The following E2F4 variants were observed in gnomAD, a reference collection of about 807,000 sequenced individuals.
The protein encoded by E2F4 is E2F transcription factor 4.
In E2F4, 16 loss-of-function variants were observed where a neutral mutation model predicts 44.5. The observed-to-expected ratio is 0.36, with a 90% confidence interval of 0.24 to 0.55. The LOEUF (loss-of-function observed/expected upper bound fraction) is 0.55, where lower values mean the gene tolerates loss of function less well. Among genes scored for constraint, E2F4 ranks in the 20% least tolerant of loss-of-function variants. The probability of loss-of-function intolerance (pLI) is 0.87; values close to 1 mark genes in which losing one functional copy is unlikely to be tolerated. For synonymous variants in E2F4, 242 were observed against 207.2 expected, an observed-to-expected ratio of 1.17 and a Z score of -1.44; for missense variants, 473 against 522.1, an observed-to-expected ratio of 0.91 and a Z score of 0.92.
At chr16:67,196,122 G>A (rs2032966377) in intron 7 of E2F4, 116 bp downstream of exon 7, 1 of 1,478,276 alleles carries the variant, frequency 6.8e-7, no homozygotes, top group Admixed American at 1.7e-5. Context: ...CTGGACACGA[G>A]AGCTCTCTGC....
chr16:67,194,121 C>T, intron 4 of E2F4: 2 of 450,314 alleles, frequency 4.4e-6, no homozygotes, highest in South Asian at 3.2e-5. Flanking sequence ...GGCTAGAACA[C>T]CCTCACCTAG....
intron 4 of E2F4, 29 bp downstream of exon 4, chr16:67,193,544 G>C: frequency 6.2e-7 from 1 of 1,613,630 alleles, no homozygotes; most frequent in Non-Finnish European, 8.5e-7. Context: ...GGGGTAAGGG[G>C]GTGGGCTGGG....
At position 67,198,181 on chromosome 16, in the gene E2F4, TG is replaced by T; in HGVS notation, c.*62del. On this transcript the variant is annotated 3_prime_UTR_variant, in exon 10 of 10. Transcript: ENST00000379378. The stretch of plus-strand genomic sequence containing the variant: ...CAGACTGTCTGACCTGGGGGTTGCC[TG>T]GGGACCTCTCCCACCCGACCCCTAC... The T allele has an allele frequency of 6.6e-7, 1 of 1,518,564 alleles. No individual in the cohort carries two copies. Among genetic ancestry groups the T allele is most frequent in the Non-Finnish European group, 9.1e-7 (1 of 1,099,582 alleles). The allele number at this position is 1,518,564 out of a possible 1,614,324, so 94.1% of individuals were successfully genotyped here.
chr16:67,193,749 C>T lies in E2F4; in HGVS notation c.451+234C>T, dbSNP rs748228361. Among the ~76,000 whole-genome samples, 4 of 152,146 alleles carry T rather than the reference C, an allele frequency of 2.6e-5. No individual in the cohort carries two copies. In the South Asian group the frequency reaches 8.3e-4, roughly 32 times the overall value. Reference sequence around the variant, plus strand: ...TGGGTCCCTGGGTCTGTTCCCATCTCTACTGTTTCCTGGATTTGGCTTCTT... The same window carrying T: ...TGGGTCCCTGGGTCTGTTCCCATCTTTACTGTTTCCTGGATTTGGCTTCTT... On this transcript the variant is annotated intron_variant, in intron 4 of 9. Coordinates refer to ENST00000379378, the MANE Select transcript of E2F4 (RefSeq NM_001950.4).
chr16:67,197,863 C>G lies in E2F4; in HGVS notation c.1082-4C>G. 1 of 1,614,074 alleles carries G rather than the reference C, an allele frequency of 6.2e-7. No homozygotes were observed. Among genetic ancestry groups the G allele is most frequent in the South Asian group, 1.1e-5 (1 of 91,078 alleles). ...GTTAGTAACTGAGCTCCCTCCATTC[C>G]CAGAGTGCATGAGCTCGGAGCTGCT... On this transcript the variant is annotated splice_polypyrimidine_tract_variant and splice_region_variant and intron_variant, in intron 8 of 9. Transcript: ENST00000379378.
Position 67,198,656 on chromosome 16 carries a change from G to C in E2F4, c.*533G>C, listed in dbSNP as rs2033017620. On this transcript the variant is annotated 3_prime_UTR_variant, in exon 10 of 10. Transcript: ENST00000379378. Reference sequence around the variant, plus strand: ...CTAGAACCTGCAGGTGGTGGGGGCGGCTACCAAGAAGGAACAGAGGTCTCT... The same window carrying C: ...CTAGAACCTGCAGGTGGTGGGGGCGCCTACCAAGAAGGAACAGAGGTCTCT... 2 of 172,130 alleles carry C rather than the reference G, an allele frequency of 1.2e-5. No homozygotes were observed. Among genetic ancestry groups the C allele is most frequent in the Non-Finnish European group, 2.5e-5 (2 of 80,060 alleles). 10.7% of individuals were successfully genotyped at this position (172,130 alleles called of 1,614,324 possible). A position where few individuals can be genotyped will look rare whatever the true frequency, so the allele number is the denominator to read the frequency against.
At position 67,194,402 on chromosome 16, in the gene E2F4, T is replaced by C. The variant is rs1035325543; in HGVS notation, c.456T>C (p.Asp152=). ...CCATTCTCCATGTCATTCTAGGAGA[T>C]ACCCTCTTGGCCATCCGGGCCCCAT... ...HEDICRCFAG[D]TLLAIRAPSG... is the part of the protein sequence containing the mutation. Residue 152 remains aspartate (D), a synonymous_variant, in exon 5 of 10, where the codon GAT becomes GAC. Coordinates refer to ENST00000379378, the MANE Select transcript of E2F4 (RefSeq NM_001950.4). 1 of 1,614,076 alleles carries C rather than the reference T, an allele frequency of 6.2e-7. No homozygotes were observed. Among genetic ancestry groups the C allele is most frequent in the African/African-American group, 1.3e-5 (1 of 75,044 alleles).
intron 1 of E2F4, 35 bp downstream of exon 1, chr16:67,192,397 G>T: frequency 7.1e-7 from 1 of 1,409,834 alleles, no homozygotes; most frequent in Non-Finnish European, 9.3e-7. Context: ...AAGGGAGGCT[G>T]GTGGACCAGG....
chr16:67,194,694 T>C lies in E2F4; in HGVS notation c.522T>C (p.Asn174=), dbSNP rs754227078. ...TTACCACCCATCTCTAGGGTCTCAATGGGCAGAAGAAGTACCAGATTCACC... is the reference window on the plus strand; with the variant it reads ...TTACCACCCATCTCTAGGGTCTCAACGGGCAGAAGAAGTACCAGATTCACC... ...SLEVPIPEGL[N]GQKKYQIHLK... The change falls in exon 6 of 10, where the codon AAT becomes AAC. Residue 174 remains asparagine (N), a synonymous_variant. Coordinates refer to ENST00000379378, the MANE Select transcript of E2F4 (RefSeq NM_001950.4). 1 of 1,611,534 alleles carries C rather than the reference T, an allele frequency of 6.2e-7. No homozygotes were observed. Among genetic ancestry groups the C allele is most frequent in the East Asian group, 2.2e-5 (1 of 44,800 alleles).
intron 1 of E2F4, 25 bp from the exon 2 acceptor site, chr16:67,192,736 G>A: frequency 6.3e-7 from 1 of 1,592,300 alleles, no homozygotes; most frequent in Non-Finnish European, 8.6e-7. Context: ...GAGTGGGGCT[G>A]AGCATTCTCC....
Position 67,194,834 on chromosome 16 carries a change from C to T in E2F4, c.662C>T (p.Ala221Val). 1 of 1,614,192 alleles carries T rather than the reference C, an allele frequency of 6.2e-7. No individual in the cohort carries two copies. The highest frequency in any genetic ancestry group is 8.5e-7 in the Non-Finnish European group (1 of 1,180,024). The change falls in exon 6 of 10, where the codon GCT becomes GTT. Residue 221 changes from alanine to valine, a missense_variant. Physicochemically the swap from Ala to Val is moderately conservative, Grantham distance 64. This residue lies in a region of E2F4 where 314 missense variants were observed against 315.6 expected (regional missense o/e 0.99). Transcript: ENST00000379378. ...PPEDLLQSPS[A>V]VSTPPPLPKP... Reference sequence around the variant, plus strand: ...GAAGATTTGCTCCAGAGCCCATCTGCTGTTTCTACACCTCCACCTCTGCCC... The same window carrying T: ...GAAGATTTGCTCCAGAGCCCATCTGTTGTTTCTACACCTCCACCTCTGCCC...
In E2F4 at chr16:67,194,874, C is replaced by T. The variant is rs748157791; in HGVS notation, c.702C>T (p.Ala234=). ...TPPPLPKPAL[A]QSQEASRPNS... is the part of the protein sequence containing the mutation. Reference sequence around the variant, plus strand: ...CACCTCTGCCCAAGCCTGCCCTAGCCCAGTCCCAGGAAGCCTCACGTCCAA... The same window carrying T: ...CACCTCTGCCCAAGCCTGCCCTAGCTCAGTCCCAGGAAGCCTCACGTCCAA... The change falls in exon 6 of 10, where the codon GCC becomes GCT. Residue 234 remains alanine (A), a synonymous_variant. Transcript: ENST00000379378. The T allele has an allele frequency of 8.1e-6, 13 of 1,614,184 alleles. No individual in the cohort carries two copies. In the Admixed American group the frequency reaches 1.8e-4, roughly 23 times the overall value.
At position 67,192,237 on chromosome 16, in the gene E2F4, G is replaced by C; in HGVS notation, c.10G>C (p.Ala4Pro). 1.3e-5 allele frequency: 17 copies of C among 1,267,078 alleles called. No individual in the cohort carries two copies. The highest frequency in any genetic ancestry group is 1.6e-5 in the Non-Finnish European group (16 of 1,004,796). The allele number at this position is 1,267,078 out of a possible 1,614,324, so 78.5% of individuals were successfully genotyped here. Residue 4 changes from alanine to proline, a missense_variant, in exon 1 of 10, where the codon GCC (alanine) becomes CCC (proline). By Grantham distance (27) the Ala-to-Pro change is conservative. Around this residue, in one of 3 missense-constraint regions of E2F4, gnomAD observed 40 missense variants for 30.8 expected, o/e 1.30. Transcript: ENST00000379378. ...GCGGCGGGCGGGCGCGATGGCGGAG[G>C]CCGGGCCACAGGCGCCGCCGCCCCC... MAE[A>P]GPQAPPPPGT...
Position 67,194,895 on chromosome 16 carries a change from T to G in E2F4, c.723T>G (p.Arg241=). The G allele has an allele frequency of 5.6e-6, 9 of 1,614,102 alleles. No individual in the cohort carries two copies. The highest frequency in any genetic ancestry group is 6.8e-6 in the Non-Finnish European group (8 of 1,180,022). The change falls in exon 6 of 10, where the codon CGT becomes CGG. Residue 241 remains arginine (R), a synonymous_variant. Transcript: ENST00000379378. ...PALAQSQEAS[R]PNSPQLTPTA... ...TAGCCCAGTCCCAGGAAGCCTCACG[T>G]CCAAATAGTCCTCAGCTCACTCCCA...
chr16:67,192,891 G>A (rs1338123958), intron 2 of E2F4, 21 bp downstream of exon 2: 3 of 1,595,900 alleles, frequency 1.9e-6, no homozygotes, highest in South Asian at 1.1e-5. Flanking sequence ...ATAGTGGGAG[G>A]GTAGTAGAGT....
At chr16:67,194,323 T>TC in intron 4 of E2F4, 75 bp from the exon 5 acceptor site, 1 of 1,531,776 alleles carries the variant, frequency 6.5e-7, no homozygotes, top group Non-Finnish European at 9.0e-7. Context: ...CCTGCCTTGC[T>TC]CCAAAAGGCA....
In E2F4 at chr16:67,193,063, C is replaced by T. The variant is rs757043561; in HGVS notation, c.300C>T (p.Leu100=). 18 of 1,570,422 alleles carry T rather than the reference C, an allele frequency of 1.1e-5. No homozygotes were observed. Among genetic ancestry groups the T allele is most frequent in the Non-Finnish European group, 1.6e-5 (18 of 1,157,232 alleles). Residue 100 remains leucine, a synonymous_variant, in exon 3 of 10, where the codon CTC becomes CTT. Transcript: ENST00000379378. ...AGATTGCTGACAAACTGATTGAGCTCAAGGCAGAGATCGAGGAGCTGCAGC... is the reference window on the plus strand; with the variant it reads ...AGATTGCTGACAAACTGATTGAGCTTAAGGCAGAGATCGAGGAGCTGCAGC... ...TREIADKLIE[L]KAEIEELQQR...
At position 67,195,763 on chromosome 16, in the gene E2F4, T is replaced by C. The variant is rs2142213108; in HGVS notation, c.809-19T>C. The stretch of plus-strand genomic sequence containing the variant: ...TCTTCCTGACCTTGTATGACTGGGT[T>C]TGGGGGCTATCATTGTAGTGAGTGG... On this transcript the variant is annotated intron_variant, in intron 6 of 9. Coordinates refer to ENST00000379378, the MANE Select transcript of E2F4 (RefSeq NM_001950.4). 1 of 1,613,976 alleles carries C rather than the reference T, an allele frequency of 6.2e-7. No individual in the cohort carries two copies. The highest frequency in any genetic ancestry group is 8.5e-7 in the Non-Finnish European group (1 of 1,179,914).
Position 67,194,752 on chromosome 16 carries a change from C to T in E2F4, c.580C>T (p.Leu194=), listed in dbSNP as rs754170562. The part of the protein sequence containing the change: ...KSVSGPIEVL[L]VNKEAWSSPP... ...TGTGAGTGGTCCCATTGAGGTTCTG[C>T]TGGTGAACAAGGAGGCATGGAGCTC... Residue 194 remains leucine (L), a synonymous_variant, in exon 6 of 10, where the codon CTG becomes TTG. Transcript: ENST00000379378. 1.2e-6 allele frequency: 2 copies of T among 1,614,076 alleles called. No individual in the cohort carries two copies. The highest frequency in any genetic ancestry group is 2.7e-5 in the African/African-American group (2 of 74,912).
Sources: allele counts gnomAD v4.1 joint callset (sites outside exome capture counted in the v4.1 genomes callset), GRCh38; gene constraint gnomAD v4.1.1; regional missense constraint gnomAD v4.1.1; transcripts MANE v1.5; gene names NCBI Gene and HGNC (gene_info 2026-07-23, HGNC 2026-07-21).